SHISAL1: variants seen among roughly 807,000 people sequenced by gnomAD.
The protein encoded by SHISAL1 is shisa like 1.
In SHISAL1, 9 loss-of-function variants were observed where a neutral mutation model predicts 22.6. The observed-to-expected ratio is 0.40, with a 90% CI of 0.24 to 0.70. SHISAL1 has a LOEUF of 0.70. SHISAL1 is among the 30% of genes least tolerant of loss of function. The pLI is 0.39. For missense variants in SHISAL1, 246 were observed against 270.6 expected (o/e 0.91, Z 0.64); for synonymous variants, 119 against 115.4 (o/e 1.03, Z -0.20).
At chr22:44,267,808 T>C (rs191925601) in intron 4 of SHISAL1, among the ~76,000 whole-genome samples, 92 of 152,356 alleles carry the variant, frequency 6.0e-4, no homozygotes, top group African/African-American at 2.0e-3. Context: ...CTTCCTCCCC[T>C]GGTCTCTTCC....
intron 3 of SHISAL1, among the ~76,000 whole-genome samples, chr22:44,287,101 G>A (rs375232058): frequency 6.6e-6 from 1 of 152,236 alleles, no homozygotes. Flanking sequence ...GGAACCCGGA[G>A]ACCTGGTTCT....
At chr22:44,293,294 G>A (rs1011429414) in intron 3 of SHISAL1, among the ~76,000 whole-genome samples, 2 of 152,186 alleles carry the variant, frequency 1.3e-5, no homozygotes, top group African/African-American at 4.8e-5. Context: ...AGGGAAGGCG[G>A]CGAGAAGATC....
At position 44,252,642 on chromosome 22, in the gene SHISAL1, AAAG is replaced by A. The variant is rs1295454109; in HGVS notation, c.*-2960_*-2958del. ...ACACACTTGCTTAAAAAAAAAAAAA[AAAG>A]ACTGATCACAAACAAAGGCACTGAA... On this transcript the variant is annotated intron_variant, in intron 4 of 4. Coordinates refer to ENST00000381176, the MANE Select transcript of SHISAL1 (RefSeq NM_001099294.2). Among the ~76,000 whole-genome samples, 711 of 134,482 alleles carry A rather than the reference AAAG, an allele frequency of 5.3e-3. 3 individuals are homozygous for A. Among genetic ancestry groups the A allele is most frequent in the African/African-American group, 0.019 (658 of 34,384 alleles). 88.2% of individuals were successfully genotyped at this position (134,482 alleles called of 152,430 possible).
rs201884869 is a variant in SHISAL1 at position 44,305,031 on chromosome 22, AC to A, written c.-32-4055del. Among the ~76,000 whole-genome samples the A allele has an allele frequency of 1.3e-3, 196 of 152,010 alleles. 6 individuals carry two copies. The East Asian group carries it at 0.035, about 27-fold the overall frequency. On this transcript the variant is annotated intron_variant, in intron 1 of 4. Coordinates refer to ENST00000381176, the MANE Select transcript of SHISAL1 (RefSeq NM_001099294.2). ...GGCTGATGTTGCGGGGCTGATGTTCACCCCTGGGGGGTACTCTTCCTTCACC... is the reference window on the plus strand; with the variant it reads ...GGCTGATGTTGCGGGGCTGATGTTCACCCTGGGGGGTACTCTTCCTTCACC...
Position 44,287,242 on chromosome 22 carries a change from G to A in SHISAL1, c.282-1497C>T, listed in dbSNP as rs1017556726. On this transcript the variant is annotated intron_variant, in intron 3 of 4. Coordinates refer to ENST00000381176, the MANE Select transcript of SHISAL1 (RefSeq NM_001099294.2). ...TCCAGATCTTCCCAGGCTTAGGTCA[G>A]CCCTGGCGCCAGCAGTGGCCTCTGT... is the stretch of plus-strand genomic sequence containing the variant. Among the ~76,000 whole-genome samples the A allele has an allele frequency of 5.3e-5, 8 of 152,340 alleles. No individual in the cohort carries two copies. The East Asian group carries it at 1.5e-3, about 29-fold the overall frequency.
chr22:44,294,527 T>C (rs1036593093), intron 3 of SHISAL1, among the ~76,000 whole-genome samples: 4 of 152,114 alleles, frequency 2.6e-5, no homozygotes, highest in Non-Finnish European at 5.9e-5. Flanking sequence ...ATTGGGAAAA[T>C]AATTTGAAGG....
chr22:44,326,387 C>A, the SHISAL1 span, among the ~76,000 whole-genome samples: 3 of 152,156 alleles, frequency 2.0e-5, no homozygotes. Context: ...CTCTCCTCCG[C>A]GGCAGAGCCG....
intron 4 of SHISAL1, among the ~76,000 whole-genome samples, chr22:44,261,802 C>G (rs2055126488): frequency 6.6e-6 from 1 of 152,252 alleles, no homozygotes; most frequent in Admixed American, 6.5e-5. Context: ...ACGGAGAGCA[C>G]TCGCCTGCCC....
intron 4 of SHISAL1, among the ~76,000 whole-genome samples, chr22:44,284,512 T>C (rs1181807326): frequency 1.3e-5 from 2 of 152,142 alleles, no homozygotes; most frequent in African/African-American, 2.4e-5. Context: ...GGGATGGGTC[T>C]TGCAGCCTGG....
chr22:44,252,507 G>A lies in SHISAL1; in HGVS notation c.*-2822C>T, dbSNP rs1907481414. Among the ~76,000 whole-genome samples the A allele has an allele frequency of 1.3e-5, 2 of 151,674 alleles. 1 individual carries two copies. Among genetic ancestry groups the A allele is most frequent in the South Asian group, 4.2e-4 (2 of 4,814 alleles). On this transcript the variant is annotated intron_variant, in intron 4 of 4. Coordinates refer to ENST00000381176, the MANE Select transcript of SHISAL1 (RefSeq NM_001099294.2). The stretch of plus-strand genomic sequence containing the variant: ...AAACAAAGACAACAGAGACCATATG[G>A]TAAAAATTGACAACCCCCACAAAAC...
the SHISAL1 span, among the ~76,000 whole-genome samples, chr22:44,318,380 G>A: frequency 6.6e-6 from 1 of 152,266 alleles, no homozygotes; most frequent in African/African-American, 2.4e-5. Flanking sequence ...ATTTATGAAA[G>A]TGCTTTGTCA....
chr22:44,249,707 A>G (rs771964421), intron 4 of SHISAL1, 22 bp from the exon 5 acceptor site: 2 of 778,968 alleles, frequency 2.6e-6, no homozygotes, highest in South Asian at 2.7e-5. Flanking sequence ...ACAAGGAAAA[A>G]AAGTATCACA....
chr22:44,293,808 G>A (rs1274866264), intron 3 of SHISAL1, among the ~76,000 whole-genome samples: 1 of 152,078 alleles, frequency 6.6e-6, no homozygotes, highest in African/African-American at 2.4e-5. Flanking sequence ...CACTTTCTAG[G>A]GCTAACGATT....
chr22:44,300,988 A>T lies in SHISAL1; in HGVS notation c.-32-11T>A, dbSNP rs756309198. ...TCCGTCCAGAGCTGCCTGTTCAATG[A>T]GAGCCACGAGAGGCTGGGTGTGGGC... On this transcript the variant is annotated splice_polypyrimidine_tract_variant and intron_variant, in intron 1 of 4. Transcript: ENST00000381176. 83 of 1,572,658 alleles carry T rather than the reference A, an allele frequency of 5.3e-5. No individual in the cohort carries two copies. Among genetic ancestry groups the T allele is most frequent in the Non-Finnish European group, 7.2e-5 (82 of 1,143,784 alleles).
intron 4 of SHISAL1, among the ~76,000 whole-genome samples, chr22:44,283,721 G>A (rs1241864463): frequency 1.3e-5 from 2 of 152,172 alleles, no homozygotes; most frequent in East Asian, 1.9e-4. Context: ...GAGGACCACC[G>A]TTTTAAACGG....
chr22:44,251,483 G>C (rs2055047174), intron 4 of SHISAL1, among the ~76,000 whole-genome samples: 1 of 152,318 alleles, frequency 6.6e-6, no homozygotes, highest in South Asian at 2.1e-4. Context: ...ATGGATGGCA[G>C]TGATGGCTGC....
intron 4 of SHISAL1, among the ~76,000 whole-genome samples, chr22:44,259,214 C>T (rs1216886942): frequency 5.3e-5 from 8 of 152,018 alleles, no homozygotes; most frequent in African/African-American, 1.7e-4. Context: ...GAGGCCGAGG[C>T]GGGCGGATCA....
chr22:44,255,740 A>T (rs1482726833), intron 4 of SHISAL1, among the ~76,000 whole-genome samples: 3 of 152,254 alleles, frequency 2.0e-5, no homozygotes, highest in African/African-American at 7.2e-5. Context: ...TGGCTCCCAG[A>T]TTCACTCAGA....
At chr22:44,267,514 G>T (rs1404153876) in intron 4 of SHISAL1, among the ~76,000 whole-genome samples, 2 of 151,696 alleles carry the variant, frequency 1.3e-5, no homozygotes, top group Non-Finnish European at 2.9e-5. Context: ...GCTGCAGCTC[G>T]TGGGAGAGCG....
Sources: allele counts gnomAD v4.1 joint callset (sites outside exome capture counted in the v4.1 genomes callset), GRCh38; gene constraint gnomAD v4.1.1; transcripts MANE v1.5; gene names NCBI Gene and HGNC (gene_info 2026-07-23, HGNC 2026-07-21).